The following SPOCK3 variants were observed in gnomAD, a reference collection of about 807,000 sequenced individuals.
SPOCK3 encodes testican-3.
A neutral mutation model predicts 56.6 loss-of-function variants in SPOCK3; 30 were observed. That is an observed-to-expected ratio of 0.53 (90% CI 0.40 to 0.72). SPOCK3 has a LOEUF of 0.72. SPOCK3 is among the 30% of genes least tolerant of loss of function. The pLI is 0.00. For missense variants in SPOCK3, 527 were observed against 530.0 expected, an observed-to-expected ratio of 0.99 and a Z score of 0.06; for synonymous variants, 196 against 183.3, an observed-to-expected ratio of 1.07 and a Z score of -0.56.
intron 7 of SPOCK3, among the ~76,000 whole-genome samples, chr4:166,767,761 G>A (rs1202531546): frequency 7.9e-5 from 12 of 152,214 alleles, no homozygotes; most frequent in South Asian, 4.1e-4. Context: ...TTTCTATGTC[G>A]TTGATCTGTC....
At chr4:166,948,977 C>T (rs1411160933) in intron 4 of SPOCK3, among the ~76,000 whole-genome samples, 5 of 152,210 alleles carry the variant, frequency 3.3e-5, no homozygotes. Flanking sequence ...CTTTCACGTA[C>T]ACCAATCAGA....
intron 2 of SPOCK3, chr4:167,119,972 G>C (rs1227688353): frequency 1.5e-6 from 1 of 689,540 alleles, no homozygotes; most frequent in Non-Finnish European, 2.3e-6. Context: ...TTAAAAATGG[G>C]TAAATCGCTT....
rs139056764 is a variant in SPOCK3 at position 166,806,125 on chromosome 4, C to G, written c.590-13836G>C. On this transcript the variant is annotated intron_variant, in intron 6 of 10. Transcript: ENST00000357545. ...AAAACAAGAATATTTTTCTTAATTG[C>G]CACCTCATTGCTATTTAAATTTCAT... 3.5e-3 allele frequency among the ~76,000 whole-genome samples: 526 copies of G among 152,054 alleles called. 3 individuals carry two copies. The highest frequency in any genetic ancestry group is 0.012 in the African/African-American group (493 of 41,508).
chr4:167,112,262 C>T (rs577970256), intron 2 of SPOCK3, among the ~76,000 whole-genome samples: 15 of 152,164 alleles, frequency 9.9e-5, no homozygotes, highest in Admixed American at 9.2e-4. Flanking sequence ...AGTAAGTAAC[C>T]ATAAACACTT....
At chr4:167,160,963 C>G (rs1172890373) in intron 2 of SPOCK3, among the ~76,000 whole-genome samples, 3 of 152,122 alleles carry the variant, frequency 2.0e-5, no homozygotes, top group African/African-American at 4.8e-5. Flanking sequence ...CTAGGCAATA[C>G]CATTCAGGAC....
At chr4:166,944,568 A>G (rs1157487204) in intron 4 of SPOCK3, among the ~76,000 whole-genome samples, 1 of 152,136 alleles carries the variant, frequency 6.6e-6, no homozygotes, top group Non-Finnish European at 1.5e-5. Context: ...GGATTTCATA[A>G]CTTTTATTCC....
chr4:166,779,973 GA>G (rs1171348055), intron 7 of SPOCK3, among the ~76,000 whole-genome samples: 4 of 152,036 alleles, frequency 2.6e-5, no homozygotes, highest in African/African-American at 7.2e-5. Context: ...AAAAATAATT[GA>G]AAACTTTCAA....
intron 2 of SPOCK3, among the ~76,000 whole-genome samples, chr4:167,067,295 C>T (rs571592335): frequency 1.4e-4 from 21 of 151,830 alleles, no homozygotes; most frequent in African/African-American, 1.9e-4. Flanking sequence ...TAAACAGAGA[C>T]ACTATTGAAG....
At chr4:166,743,238 A>G (rs528398499) in intron 8 of SPOCK3, among the ~76,000 whole-genome samples, 3 of 152,222 alleles carry the variant, frequency 2.0e-5, no homozygotes, top group South Asian at 2.1e-4. Flanking sequence ...CTGCAAAATA[A>G]TATACTATAT....
At chr4:167,084,231 T>C (rs2150296188) in intron 2 of SPOCK3, among the ~76,000 whole-genome samples, 1 of 152,246 alleles carries the variant, frequency 6.6e-6, no homozygotes, top group South Asian at 2.1e-4. Context: ...AAAAATGATA[T>C]AGTTGATCAT....
intron 2 of SPOCK3, among the ~76,000 whole-genome samples, chr4:167,096,594 T>C (rs1759175366): frequency 6.6e-6 from 1 of 151,892 alleles, no homozygotes. Flanking sequence ...TGATTTATAA[T>C]AAATTCTGTT....
At chr4:166,864,971 A>G (rs561083799) in intron 6 of SPOCK3, among the ~76,000 whole-genome samples, 1 of 152,246 alleles carries the variant, frequency 6.6e-6, no homozygotes, top group South Asian at 2.1e-4. Context: ...CCTGGCAGAC[A>G]CATAACAAAA....
At chr4:167,078,701 G>A (rs969101377) in intron 2 of SPOCK3, among the ~76,000 whole-genome samples, 1 of 151,550 alleles carries the variant, frequency 6.6e-6, no homozygotes, top group Non-Finnish European at 1.5e-5. Flanking sequence ...ATTTACAGAT[G>A]AGAAGAGGTT....
chr4:166,974,920 G>C lies in SPOCK3; in HGVS notation c.350+25429C>G, dbSNP rs529959987. Reference sequence around the variant, plus strand: ...AGGTTGGGCTTTTCAGAAGTGATTAGGTCATGAGGACTCTGCCCTCATAAA... The same window carrying C: ...AGGTTGGGCTTTTCAGAAGTGATTACGTCATGAGGACTCTGCCCTCATAAA... On this transcript the variant is annotated intron_variant, in intron 4 of 10. Transcript: ENST00000357545. Among the ~76,000 whole-genome samples the C allele has an allele frequency of 3.9e-5, 6 of 152,248 alleles. No homozygotes were observed. The East Asian group carries it at 1.2e-3, about 29-fold the overall frequency.
intron 6 of SPOCK3, among the ~76,000 whole-genome samples, chr4:166,864,992 C>T (rs1731653008): frequency 1.3e-5 from 2 of 151,858 alleles, no homozygotes; most frequent in South Asian, 4.1e-4. Context: ...AAAGAAAATT[C>T]CAGGCCAATA....
chr4:167,011,259 A>G (rs1349269489), intron 3 of SPOCK3: 1 of 455,952 alleles, frequency 2.2e-6, no homozygotes, highest in Non-Finnish European at 4.4e-6. Context: ...AGTTATGGCA[A>G]TATTCACATC....
chr4:167,234,281 A>G, intron 1 of SPOCK3, 108 bp from the exon 2 acceptor site: 2 of 1,097,080 alleles, frequency 1.8e-6, no homozygotes, highest in East Asian at 5.0e-5. Context: ...ACGAGGGTAG[A>G]GGGAGGAGGA....
At chr4:166,774,683 G>T (rs1294472627) in intron 7 of SPOCK3, among the ~76,000 whole-genome samples, 1 of 152,130 alleles carries the variant, frequency 6.6e-6, no homozygotes, top group East Asian at 1.9e-4. Flanking sequence ...ACGACTTTTA[G>T]ATTTTTCTGG....
chr4:167,116,907 G>A (rs1561234629), intron 2 of SPOCK3, among the ~76,000 whole-genome samples: 2 of 108,580 alleles, frequency 1.8e-5, no homozygotes, highest in East Asian at 2.7e-4. Context: ...TTTTGTGTGT[G>A]TGTGTGTATA....
Sources: allele counts gnomAD v4.1 joint callset (sites outside exome capture counted in the v4.1 genomes callset), GRCh38; gene constraint gnomAD v4.1.1; transcripts MANE v1.5; gene names NCBI Gene and HGNC (gene_info 2026-07-23, HGNC 2026-07-21).